Variants in EPHA7 observed in about 807,000 individuals in gnomAD.
EPHA7 encodes the protein EPH receptor A7.
Under a neutral mutation model 112.6 loss-of-function variants are expected in EPHA7, and 25 were observed. That is an observed-to-expected ratio of 0.22 (90% CI 0.16 to 0.31). EPHA7 has a LOEUF of 0.31. Ranked by LOEUF, EPHA7 falls within the 10% of genes least tolerant of loss-of-function variation. The probability of loss-of-function intolerance (pLI) is 1.00; values close to 1 mark genes in which losing one functional copy is unlikely to be tolerated. For missense variants in EPHA7, 962 were observed against 1,212.6 expected (o/e 0.79, Z 3.07); for synonymous variants, 437 against 406.5 (o/e 1.07, Z -0.90).
chr6:93,285,724 T>C (rs1378646996), intron 5 of EPHA7, among the ~76,000 whole-genome samples: 1 of 152,208 alleles, frequency 6.6e-6, no homozygotes, highest in Non-Finnish European at 1.5e-5. Flanking sequence ...GCCTGTCTCC[T>C]TCTCTTGCCA....
intron 5 of EPHA7, among the ~76,000 whole-genome samples, chr6:93,304,858 T>C (rs1460630430): frequency 6.6e-6 from 1 of 152,028 alleles, no homozygotes; most frequent in Non-Finnish European, 1.5e-5. Flanking sequence ...TGGTGTTCTG[T>C]TTGGAAGATT....
chr6:93,246,777 T>C lies in EPHA7; in HGVS notation c.2726+15A>G. The C allele has an allele frequency of 6.3e-7, 1 of 1,587,208 alleles. No individual in the cohort carries two copies. The highest frequency in any genetic ancestry group is 1.7e-5 in the Admixed American group (1 of 59,554). ...GTAATTTCTCCCAGATTCCATTCCCTTAGGCATTTCTTACCTACTACAAGT... is the reference window on the plus strand; with the variant it reads ...GTAATTTCTCCCAGATTCCATTCCCCTAGGCATTTCTTACCTACTACAAGT... On this transcript the variant is annotated intron_variant, in intron 15 of 16. Coordinates refer to ENST00000369303, the MANE Select transcript of EPHA7 (RefSeq NM_004440.4).
At chr6:93,360,002 G>T (rs190378961) in intron 3 of EPHA7, among the ~76,000 whole-genome samples, 2 of 152,152 alleles carry the variant, frequency 1.3e-5, no homozygotes, top group Admixed American at 6.5e-5. Context: ...AAGCCAGTTG[G>T]CTATGTTGTC....
chr6:93,344,665 C>T (rs1219843020), intron 5 of EPHA7, among the ~76,000 whole-genome samples: 1 of 151,552 alleles, frequency 6.6e-6, no homozygotes, highest in African/African-American at 2.4e-5. Context: ...AAAACTGTTT[C>T]TCATGGTTCC....
At chr6:93,297,525 A>C (rs1188007452) in intron 5 of EPHA7, among the ~76,000 whole-genome samples, 1 of 152,066 alleles carries the variant, frequency 6.6e-6, no homozygotes, top group Non-Finnish European at 1.5e-5. Context: ...TTGATGTCTC[A>C]TTTATTCCTT....
chr6:93,251,371 T>C (rs1466113262), intron 14 of EPHA7, among the ~76,000 whole-genome samples: 1 of 151,882 alleles, frequency 6.6e-6, no homozygotes, highest in African/African-American at 2.4e-5. Context: ...TTATGTCTCA[T>C]ATCTTTAAAA....
At chr6:93,395,952 C>T (rs1182232888) in intron 3 of EPHA7, among the ~76,000 whole-genome samples, 1 of 151,828 alleles carries the variant, frequency 6.6e-6, no homozygotes, top group Non-Finnish European at 1.5e-5. Flanking sequence ...ACGTTTTCAT[C>T]GATTGGATTC....
intron 15 of EPHA7, 100 bp from the exon 16 acceptor site, chr6:93,245,553 T>A: frequency 8.3e-7 from 1 of 1,200,534 alleles, no homozygotes; most frequent in East Asian, 2.5e-5. Flanking sequence ...CAAAATTAGA[T>A]GTTTTAATTG....
intron 5 of EPHA7, among the ~76,000 whole-genome samples, chr6:93,312,870 G>A (rs1773611604): frequency 6.6e-6 from 1 of 152,102 alleles, no homozygotes; most frequent in South Asian, 2.1e-4. Flanking sequence ...TCTGTCTCAA[G>A]GAATAGGAAA....
chr6:93,284,997 A>T (rs537100422), intron 5 of EPHA7, among the ~76,000 whole-genome samples: 56 of 152,170 alleles, frequency 3.7e-4, no homozygotes, highest in African/African-American at 9.9e-4. Context: ...AAGTATAATT[A>T]AAAAAAAGTA....
chr6:93,290,260 T>C (rs892265931), intron 5 of EPHA7, among the ~76,000 whole-genome samples: 5 of 152,094 alleles, frequency 3.3e-5, no homozygotes, highest in Non-Finnish European at 7.4e-5. Flanking sequence ...ATTCTCTGAC[T>C]AGTGAATTCC....
intron 14 of EPHA7, among the ~76,000 whole-genome samples, chr6:93,249,752 A>G (rs1335206251): frequency 6.6e-6 from 1 of 152,154 alleles, no homozygotes; most frequent in East Asian, 1.9e-4. Flanking sequence ...CTTTCCCTCC[A>G]AATAATGTTT....
At chr6:93,269,019 T>A (rs1771080848) in intron 7 of EPHA7, among the ~76,000 whole-genome samples, 1 of 151,776 alleles carries the variant, frequency 6.6e-6, no homozygotes, top group Non-Finnish European at 1.5e-5. Flanking sequence ...TTGAAATCAT[T>A]GCTAAAGGGC....
rs1357089640 is a variant in EPHA7, at chr6:93,405,813, G to GTGTGTATATATA, written c.832+4687_832+4688insTATATATACACA. ...TGTGTGTGTGTGTGTGTGTGTGTGT[G>GTGTGTATATATA]TATATATATATATATATATATATAT... On this transcript the variant is annotated intron_variant, in intron 3 of 16. Coordinates refer to ENST00000369303, the MANE Select transcript of EPHA7 (RefSeq NM_004440.4). Among the ~76,000 whole-genome samples, 10 of 73,974 alleles carry GTGTGTATATATA rather than the reference G, an allele frequency of 1.4e-4. No individual in the cohort carries two copies. In the East Asian group the frequency reaches 3.7e-3, roughly 27 times the overall value. 48.5% of individuals were successfully genotyped at this position (73,974 alleles called of 152,430 possible). A position where few individuals can be genotyped will look rare whatever the true frequency, so the allele number is the denominator to read the frequency against.
At position 93,300,102 on chromosome 6, in the gene EPHA7, C is replaced by T. The variant is rs996346419; in HGVS notation, c.1325-27680G>A. ...ACACGAGTTTATCTACATAACAAAC[C>T]TGCGCATGTATCCCTGAACTGAAAG... On this transcript the variant is annotated intron_variant, in intron 5 of 16. Coordinates refer to ENST00000369303, the MANE Select transcript of EPHA7 (RefSeq NM_004440.4). Among the ~76,000 whole-genome samples the T allele has an allele frequency of 2.6e-5, 4 of 152,132 alleles. 1 individual carries two copies. The highest frequency in any genetic ancestry group is 4.8e-5 in the African/African-American group (2 of 41,444).
At position 93,377,922 on chromosome 6, in the gene EPHA7, C is replaced by T. The variant is rs371641560; in HGVS notation, c.833-19511G>A. ...TTCTTATTATGCTAAGAACTAGACC[C>T]CTTGTAGGAAGAAAAACAGACACAG... On this transcript the variant is annotated intron_variant, in intron 3 of 16. Transcript: ENST00000369303. 2.5e-4 allele frequency among the ~76,000 whole-genome samples: 38 copies of T among 152,128 alleles called. No individual in the cohort carries two copies. In the East Asian group the frequency reaches 5.8e-3, roughly 23 times the overall value.
At chr6:93,360,131 G>A (rs1776185534) in intron 3 of EPHA7, among the ~76,000 whole-genome samples, 1 of 152,024 alleles carries the variant, frequency 6.6e-6, no homozygotes, top group South Asian at 2.1e-4. Context: ...GGCATAGAGA[G>A]AACAATGATA....
chr6:93,356,028 CA>C (rs973145657), intron 5 of EPHA7, among the ~76,000 whole-genome samples: 2 of 152,014 alleles, frequency 1.3e-5, no homozygotes, highest in African/African-American at 4.8e-5. Flanking sequence ...ACAATGAAGC[CA>C]ACTCTTTCAT....
Position 93,243,491 on chromosome 6 carries a change from T to C in EPHA7, c.2932A>G (p.Met978Val), listed in dbSNP as rs1186298360. ...GCTCTCATAGTCTGAATGCTGCTCA[T>C]GATTTTCTTTTGATGACCAACCAGT... ...ITLVGHQKKI[M>V]SSIQTMRAQM... is the part of the protein sequence containing the mutation. Residue 978 changes from methionine (M) to valine (V), a missense_variant, in exon 17 of 17, where the codon ATG (methionine) becomes GTG (valine). Coordinates refer to ENST00000369303, the MANE Select transcript of EPHA7 (RefSeq NM_004440.4). 4 of 1,613,544 alleles carry C rather than the reference T, an allele frequency of 2.5e-6. No homozygotes were observed. In the African/African-American group the frequency reaches 4.0e-5, roughly 16 times the overall value.
Sources: gnomAD v4.1 joint callset for allele counts (sites outside exome capture counted in the v4.1 genomes callset) on GRCh38, gnomAD v4.1.1 for gene constraint, MANE v1.5 for transcripts, NCBI Gene and HGNC (gene_info 2026-07-23, HGNC 2026-07-21) for gene names.